Variants in ZBTB7C observed in about 807,000 individuals in gnomAD.
The protein encoded by ZBTB7C is zinc finger and BTB domain-containing protein 7C.
A neutral mutation model predicts 25.7 loss-of-function variants in ZBTB7C; 8 were observed. The observed-to-expected ratio is 0.31, with a 90% CI of 0.18 to 0.56. The LOEUF (loss-of-function observed/expected upper bound fraction) is 0.56. ZBTB7C is among the 20% of genes least tolerant of loss of function. The pLI, the probability that ZBTB7C is intolerant of heterozygous loss-of-function variation, is 0.91. For synonymous variants in ZBTB7C, 394 were observed against 369.0 expected (o/e 1.07, Z -0.78); for missense variants, 824 against 855.2 (o/e 0.96, Z 0.46).
At chr18:48,089,889 G>C (rs778955460) in intron 3 of ZBTB7C, among the ~76,000 whole-genome samples, 9 of 152,354 alleles carry the variant, frequency 5.9e-5, no homozygotes, top group South Asian at 2.1e-4. Flanking sequence ...AGCCCGCTGG[G>C]TGAGGCTGCC....
intron 2 of ZBTB7C, among the ~76,000 whole-genome samples, chr18:48,237,243 C>T (rs557119367): frequency 6.6e-6 from 1 of 152,212 alleles, no homozygotes; most frequent in African/African-American, 2.4e-5. Context: ...CAATACAGCA[C>T]AGAGCAGAGA....
At chr18:48,277,974 T>A (rs887468994) in intron 2 of ZBTB7C, among the ~76,000 whole-genome samples, 2 of 151,684 alleles carry the variant, frequency 1.3e-5, no homozygotes, top group Non-Finnish European at 2.9e-5. Flanking sequence ...GAGGTGACAA[T>A]GGTGAGAAGA....
At chr18:48,045,869 C>T (rs1360262394) in intron 3 of ZBTB7C, among the ~76,000 whole-genome samples, 2 of 152,192 alleles carry the variant, frequency 1.3e-5, no homozygotes, top group Admixed American at 1.3e-4. Flanking sequence ...AAGGGCTGTC[C>T]TTAGCTGCCA....
chr18:48,362,025 C>G (rs1318295275), intron 1 of ZBTB7C, among the ~76,000 whole-genome samples: 1 of 152,212 alleles, frequency 6.6e-6, no homozygotes, highest in Non-Finnish European at 1.5e-5. Context: ...CCCAACAGCT[C>G]CATCACAGGG....
chr18:48,147,956 C>A (rs925228614), intron 3 of ZBTB7C: 5 of 151,932 alleles, frequency 3.3e-5, no homozygotes, highest in Non-Finnish European at 4.4e-5. Flanking sequence ...TTATCTTTTT[C>A]TCTCTGCCTA....
In ZBTB7C at chr18:48,227,701, T is replaced by TAA. The variant is rs1334883191; in HGVS notation, c.-78-41707_-78-41706insTT. On this transcript the variant is annotated intron_variant, in intron 2 of 4. Transcript: ENST00000590800. ...AAGCCTGTTTTACCAAACCCTGCCT[T>TAA]ACCACAAAAATTTTCACTGGAGATT... Among the ~76,000 whole-genome samples, 10 of 152,350 alleles carry TAA rather than the reference T, an allele frequency of 6.6e-5. No homozygotes were observed. The East Asian group carries it at 1.9e-3, about 29-fold the overall frequency.
At chr18:48,097,580 A>C (rs963298661) in intron 3 of ZBTB7C, among the ~76,000 whole-genome samples, 4 of 152,092 alleles carry the variant, frequency 2.6e-5, no homozygotes, top group African/African-American at 9.7e-5. Context: ...TATTTTTAGT[A>C]GACACGGGGT....
intron 1 of ZBTB7C, among the ~76,000 whole-genome samples, chr18:48,362,471 T>C (rs544849455): frequency 4.1e-4 from 63 of 152,258 alleles, no homozygotes; most frequent in African/African-American, 1.5e-3. Flanking sequence ...TCCCTTTCCA[T>C]GTGTAAGGGC....
chr18:48,248,339 A>C (rs1256065612), intron 2 of ZBTB7C, among the ~76,000 whole-genome samples: 1 of 152,218 alleles, frequency 6.6e-6, no homozygotes, highest in Non-Finnish European at 1.5e-5. Context: ...TCTTTATAGC[A>C]GTGAGAGAAC....
In ZBTB7C at chr18:48,232,087, G is replaced by A. The variant is rs990090948; in HGVS notation, c.-78-46092C>T. Among the ~76,000 whole-genome samples the A allele has an allele frequency of 6.0e-4, 92 of 152,336 alleles. 1 individual carries two copies. Among genetic ancestry groups the A allele is most frequent in the African/African-American group, 2.0e-3 (85 of 41,582 alleles). ...AGGCCAGTAGTGCCAGCTGAGCACA[G>A]CCTGCCAGGCTGAGTGGGCAAAACG... On this transcript the variant is annotated intron_variant, in intron 2 of 4. Transcript: ENST00000590800.
intron 3 of ZBTB7C, among the ~76,000 whole-genome samples, chr18:48,127,815 G>A (rs1400358556): frequency 6.6e-6 from 1 of 152,226 alleles, no homozygotes; most frequent in Non-Finnish European, 1.5e-5. Context: ...AGGAGTGGGA[G>A]AGGAGGGATG....
chr18:48,165,212 G>A (rs1314575749), intron 3 of ZBTB7C: 3 of 1,000,518 alleles, frequency 3.0e-6, no homozygotes, highest in African/African-American at 3.3e-5. Flanking sequence ...CAATTTAGAG[G>A]AGAGCTCCCA....
chr18:48,363,456 A>AC (rs1200692188), intron 1 of ZBTB7C, among the ~76,000 whole-genome samples: 1 of 151,994 alleles, frequency 6.6e-6, no homozygotes, highest in Admixed American at 6.6e-5. Context: ...TAAAGAAAAT[A>AC]CCCCACAGGA....
Position 48,221,073 on chromosome 18 carries a change from GTCCCAGTCTCCTCTATACTA to G in ZBTB7C, c.-78-35098_-78-35079del, listed in dbSNP as rs1379361806. ...ATACTGCCCTTGTCTCCTCTATACT[GTCCCAGTCTCCTCTATACTA>G]TCCCAGTCTCCTCTATACTGCCCTT... On this transcript the variant is annotated intron_variant, in intron 2 of 4. Coordinates refer to ENST00000590800, the MANE Select transcript of ZBTB7C (RefSeq NM_001318841.2). Among the ~76,000 whole-genome samples, 315 of 145,428 alleles carry G rather than the reference GTCCCAGTCTCCTCTATACTA, an allele frequency of 2.2e-3. 4 individuals carry two copies. The highest frequency in any genetic ancestry group is 6.8e-3 in the African/African-American group (261 of 38,384).
At chr18:48,062,683 C>T (rs2037170951) in intron 3 of ZBTB7C, among the ~76,000 whole-genome samples, 1 of 152,206 alleles carries the variant, frequency 6.6e-6, no homozygotes, top group African/African-American at 2.4e-5. Context: ...CATTCTAGAA[C>T]ATCTGAGAGC....
intron 3 of ZBTB7C, among the ~76,000 whole-genome samples, chr18:48,142,122 G>T (rs922632004): frequency 6.6e-6 from 1 of 152,238 alleles, no homozygotes; most frequent in Admixed American, 6.5e-5. Flanking sequence ...TGTGTGTTAG[G>T]GGGGCAACCC....
chr18:48,076,807 A>T, intron 3 of ZBTB7C: 1 of 388,230 alleles, frequency 2.6e-6, no homozygotes, highest in Non-Finnish European at 3.5e-6. Context: ...CCCAAAATGC[A>T]CTGCTCTGCT....
At chr18:48,328,479 T>C (rs947162079) in intron 2 of ZBTB7C, among the ~76,000 whole-genome samples, 1 of 152,222 alleles carries the variant, frequency 6.6e-6, no homozygotes, top group Non-Finnish European at 1.5e-5. Context: ...TTTTTGTAAT[T>C]TGAACAAAGA....
intron 3 of ZBTB7C, among the ~76,000 whole-genome samples, chr18:48,161,982 G>T (rs1412585819): frequency 6.6e-6 from 1 of 151,986 alleles, no homozygotes; most frequent in Non-Finnish European, 1.5e-5. Flanking sequence ...CCTGCCCACG[G>T]TTACCCGGTT....
Sources: allele counts gnomAD v4.1 joint callset (sites outside exome capture counted in the v4.1 genomes callset), GRCh38; gene constraint gnomAD v4.1.1; transcripts MANE v1.5; gene names NCBI Gene and HGNC (gene_info 2026-07-23, HGNC 2026-07-21).